TTN: variants seen among roughly 807,000 people sequenced by gnomAD.
TTN encodes connectin.
In TTN, 1,525 loss-of-function variants were observed where a neutral mutation model predicts 3,223.0. That is an observed-to-expected ratio of 0.47 (90% confidence interval 0.45 to 0.49). TTN has a LOEUF of 0.49. TTN is among the 20% of genes least tolerant of loss of function. TTN has a pLI of 0.00. For missense variants in TTN, 40,786 were observed against 43,424.0 expected, an observed-to-expected ratio of 0.94 and a Z score of 5.40; for synonymous variants, 14,094 against 15,161.0, an observed-to-expected ratio of 0.93 and a Z score of 5.17.
At position 178,692,009 on chromosome 2, in the gene TTN, G is replaced by C; in HGVS notation, c.31762+7C>G. 6.2e-7 allele frequency: 1 copy of C among 1,609,698 alleles called. No individual in the cohort carries two copies. The highest frequency in any genetic ancestry group is 8.5e-7 in the Non-Finnish European group (1 of 1,177,506). On this transcript the variant is annotated splice_region_variant and intron_variant, in intron 121 of 362. Coordinates refer to ENST00000589042, the MANE Select transcript of TTN (RefSeq NM_001267550.2). ...AAAGAGTCTCCCCATCATTGGCTCT[G>C]GCGTACCTTTTGGGGGAGCAGCAGG...
chr2:178,621,519 C>T lies in TTN; in HGVS notation c.45305G>A (p.Cys15102Tyr). 1 of 1,612,422 alleles carries T rather than the reference C, an allele frequency of 6.2e-7. No individual in the cohort carries two copies. Among genetic ancestry groups the T allele is most frequent in the Non-Finnish European group, 8.5e-7 (1 of 1,179,062 alleles). Residue 15102 changes from cysteine to tyrosine, a missense_variant, in exon 245 of 363, where the codon TGT (cysteine) becomes TAT (tyrosine). Transcript: ENST00000589042. ...AHLEDAGNYN[C>Y]RLPSSRTDGK... ...ATCGGTTCGAGAGCTTGGGAGTCGA[C>T]AGTTGTAGTTGCCAGCATCCTCAAG...
At position 178,678,842 on chromosome 2, in the gene TTN, T is replaced by C. The variant is rs759540695; in HGVS notation, c.33743-12A>G. The C allele has an allele frequency of 3.8e-6, 6 of 1,578,876 alleles. No individual in the cohort carries two copies. In the Admixed American group the frequency reaches 7.7e-5, roughly 20 times the overall value. On this transcript the variant is annotated splice_polypyrimidine_tract_variant and intron_variant, in intron 142 of 362. Coordinates refer to ENST00000589042, the MANE Select transcript of TTN (RefSeq NM_001267550.2). Reference sequence around the variant, plus strand: ...GGGCACTTCAGGAACTTCAAAGATATCAAATAGAGTTAGTGTCACATTTTT... The same window carrying C: ...GGGCACTTCAGGAACTTCAAAGATACCAAATAGAGTTAGTGTCACATTTTT...
intron 330 of TTN, 23 bp downstream of exon 330, chr2:178,556,825 T>A: frequency 6.2e-7 from 1 of 1,611,028 alleles, no homozygotes; most frequent in East Asian, 2.2e-5. Flanking sequence ...GCAATTTTGA[T>A]TCAAAGTGCT....
At chr2:178,801,818 C>T (rs1297983337) in intron 3 of TTN, among the ~76,000 whole-genome samples, 1 of 152,092 alleles carries the variant, frequency 6.6e-6, no homozygotes, top group Non-Finnish European at 1.5e-5. Flanking sequence ...TGTCTTATTC[C>T]TTAAAGGACT....
Position 178,711,845 on chromosome 2 carries a change from C to G in TTN, c.27886+99G>C, listed in dbSNP as rs758847720. ...AGGATTACTTAAGCAGAATTTTAAGCCTTTGGAAAGATTTTCCTAAAAAAT... is the reference window on the plus strand; with the variant it reads ...AGGATTACTTAAGCAGAATTTTAAGGCTTTGGAAAGATTTTCCTAAAAAAT... On this transcript the variant is annotated intron_variant, in intron 96 of 362. Transcript: ENST00000589042. 3.2e-4 allele frequency: 453 copies of G among 1,420,030 alleles called. No individual in the cohort carries two copies. In the Middle Eastern group the frequency reaches 4.1e-3, roughly 13 times the overall value. 88.0% of individuals were successfully genotyped at this position (1,420,030 alleles called of 1,614,324 possible).
At chr2:178,685,999 G>C (rs2070750969) in intron 127 of TTN, among the ~76,000 whole-genome samples, 1 of 151,782 alleles carries the variant, frequency 6.6e-6, no homozygotes, top group African/African-American at 2.4e-5. Context: ...GAGGATTTAA[G>C]TGAATTGTAA....
intron 6 of TTN, among the ~76,000 whole-genome samples, chr2:178,796,898 A>G (rs1269407322): frequency 1.3e-5 from 2 of 152,222 alleles, no homozygotes; most frequent in Non-Finnish European, 2.9e-5. Flanking sequence ...ACCTTATTCA[A>G]TGAAATATGT....
chr2:178,729,602 G>A lies in TTN; in HGVS notation c.18590-36C>T. On this transcript the variant is annotated intron_variant, in intron 63 of 362. Coordinates refer to ENST00000589042, the MANE Select transcript of TTN (RefSeq NM_001267550.2). ...AAAAGGAAGACAGTAGCTTACTCAA[G>A]GGAAGACCCCAAACTTATCAGGCAG... 1.9e-6 allele frequency: 3 copies of A among 1,612,692 alleles called. No individual in the cohort carries two copies. The Middle Eastern group carries it at 5.0e-4, about 267-fold the overall frequency.
At position 178,770,328 on chromosome 2, in the gene TTN, G is replaced by A. The variant is rs752227412; in HGVS notation, c.8381-8C>T. 1.2e-6 allele frequency: 2 copies of A among 1,614,140 alleles called. No individual in the cohort carries two copies. Among genetic ancestry groups the A allele is most frequent in the Non-Finnish European group, 1.7e-6 (2 of 1,180,016 alleles). ...TTTTAATGATCTTGACAGCTAAGAG[G>A]AAAATTGGAGCAATTCAGTGATAGG... On this transcript the variant is annotated splice_polypyrimidine_tract_variant and splice_region_variant and intron_variant, in intron 35 of 362. Transcript: ENST00000589042.
At position 178,633,239 on chromosome 2, in the gene TTN, G is replaced by A; in HGVS notation, c.43034C>T (p.Pro14345Leu). The change falls in exon 233 of 363, where the codon CCT becomes CTT. Residue 14345 changes from proline to leucine, a missense_variant. By Grantham distance (98) the Pro-to-Leu change is moderately conservative. Transcript: ENST00000589042. ...TAHFEIELSE[P>L]DVHGQWKLKG... ...CAGCTTCCACTGGCCGTGAACATCA[G>A]GTTCAGAAAGTTCAATTTCAAAGTG... 1.2e-6 allele frequency: 2 copies of A among 1,613,230 alleles called. No individual in the cohort carries two copies. The highest frequency in any genetic ancestry group is 8.5e-7 in the Non-Finnish European group (1 of 1,179,484).
chr2:178,612,023 T>C (rs1277851849), intron 267 of TTN, 34 bp downstream of exon 267: 41 of 1,602,040 alleles, frequency 2.6e-5, no homozygotes, highest in Non-Finnish European at 3.3e-5. Context: ...CAGCCAAGTG[T>C]AAGTTATTCT....
Position 178,557,277 on chromosome 2 carries a change from G to C in TTN, c.87985C>G (p.Pro29329Ala). 1 of 1,613,864 alleles carries C rather than the reference G, an allele frequency of 6.2e-7. No individual in the cohort carries two copies. Among genetic ancestry groups the C allele is most frequent in the Non-Finnish European group, 8.5e-7 (1 of 1,179,844 alleles). ...GVGKPSHPSE[P>A]VLAIDACEPP... ...CCACAAGCATCAATTGCCAAGACTG[G>C]TTCAGAAGGATGGCTAGGTTTTCCA... Residue 29329 changes from proline to alanine, a missense_variant, in exon 329 of 363, where the codon CCA (proline) becomes GCA (alanine). Physicochemically the swap from Pro to Ala is conservative, Grantham distance 27 (BLOSUM62 -1). Transcript: ENST00000589042.
chr2:178,696,016 A>C lies in TTN; in HGVS notation c.31056T>G (p.Ala10352=). 2 of 1,547,960 alleles carry C rather than the reference A, an allele frequency of 1.3e-6. No homozygotes were observed. Among genetic ancestry groups the C allele is most frequent in the South Asian group, 1.2e-5 (1 of 82,920 alleles). The change falls in exon 114 of 363, where the codon GCT becomes GCG. Residue 10352 remains alanine (A), a synonymous_variant. Transcript: ENST00000589042. ...DEDYEEIKVE[A]KKEVHEEWEE... The stretch of plus-strand genomic sequence containing the variant: ...CCCATTCCTCGTGAACTTCTTTTTT[A>C]GCTTCTACCTTAATCTCTTCATAGT...
At chr2:178,611,729 A>C in intron 268 of TTN, 29 bp downstream of exon 268, 2 of 1,611,554 alleles carry the variant, frequency 1.2e-6, no homozygotes, top group Non-Finnish European at 1.7e-6. Context: ...GTTCTAGACA[A>C]TATCTTGTGT....
In TTN at chr2:178,764,255, C is replaced by T; in HGVS notation, c.10036G>A (p.Ala3346Thr). The change falls in exon 43 of 363, where the codon GCC becomes ACC. Residue 3346 changes from alanine to threonine, a missense_variant. Transcript: ENST00000589042. Reference sequence around the variant, plus strand: ...GTGTCCTGAAGCGGGGTGATGATGGCAGGTGGATAAACAGGCATTTCCTGA... The same window carrying T: ...GTGTCCTGAAGCGGGGTGATGATGGTAGGTGGATAAACAGGCATTTCCTGA... ...PDQEMPVYPPAIITPLQDTVT... is the reference protein window; with the variant it reads ...PDQEMPVYPPTIITPLQDTVT... 6.2e-7 allele frequency: 1 copy of T among 1,614,066 alleles called. No individual in the cohort carries two copies. Among genetic ancestry groups the T allele is most frequent in the Non-Finnish European group, 8.5e-7 (1 of 1,179,984 alleles).
chr2:178,587,063 A>T, intron 307 of TTN, 55 bp downstream of exon 307: 1 of 1,600,310 alleles, frequency 6.2e-7, no homozygotes, highest in Non-Finnish European at 8.5e-7. Flanking sequence ...TAGTATCTTG[A>T]CCTTGCTAAA....
At chr2:178,709,356 G>A (rs1004640181) in intron 99 of TTN, among the ~76,000 whole-genome samples, 6 of 152,234 alleles carry the variant, frequency 3.9e-5, no homozygotes, top group East Asian at 1.9e-4. Flanking sequence ...ATATTAGTCC[G>A]TTAAATGACA....
In TTN at chr2:178,589,308, T is replaced by C. The variant is rs1425140267; in HGVS notation, c.62417A>G (p.Asp20806Gly). The change falls in exon 304 of 363, where the codon GAC becomes GGC. Residue 20806 changes from aspartate (D) to glycine (G), a missense_variant. Asp to Gly is a moderately conservative substitution (Grantham distance 94). Coordinates refer to ENST00000589042, the MANE Select transcript of TTN (RefSeq NM_001267550.2). ...KPFPEVAWTK[D>G]KDATDLTRSP... ...TCTTGTTAAGTCTGTAGCGTCTTTG[T>C]CCTTGGTCCATGCAACTTCTGGGAA... 1.9e-6 allele frequency: 3 copies of C among 1,613,030 alleles called. No homozygotes were observed. The South Asian group carries it at 3.3e-5, about 18-fold the overall frequency.
At chr2:178,665,919 T>C in intron 163 of TTN, 128 bp from the exon 164 acceptor site, 1 of 419,100 alleles carries the variant, frequency 2.4e-6, no homozygotes, top group East Asian at 3.6e-5. Flanking sequence ...AATCGGATCT[T>C]TTGTAGCAGT....
Sources: gnomAD v4.1 joint callset for allele counts (sites outside exome capture counted in the v4.1 genomes callset) on GRCh38, gnomAD v4.1.1 for gene constraint, MANE v1.5 for transcripts, NCBI Gene and HGNC (gene_info 2026-07-23, HGNC 2026-07-21) for gene names.